Variants in IFT57 observed in about 807,000 individuals in gnomAD.
IFT57 encodes the protein intraflagellar transport 57.
In IFT57, 59 loss-of-function variants were observed where a neutral mutation model predicts 56.8. The ratio of observed to expected loss-of-function variants is 1.04; its 90% CI spans 0.84 to 1.29. The LOEUF (loss-of-function observed/expected upper bound fraction) is 1.29. IFT57 is among the 50% of genes most tolerant of loss of function. The probability of loss-of-function intolerance (pLI) is 0.00; values close to 1 mark genes in which losing one functional copy is unlikely to be tolerated. For missense variants in IFT57, 470 were observed against 522.1 expected, an observed-to-expected ratio of 0.90 and a Z score of 0.97; for synonymous variants, 209 against 186.1, an observed-to-expected ratio of 1.12 and a Z score of -1.00.
At chr3:108,187,949 T>A (rs1025296581) in intron 6 of IFT57, among the ~76,000 whole-genome samples, 2 of 151,918 alleles carry the variant, frequency 1.3e-5, no homozygotes, top group African/African-American at 2.4e-5. Flanking sequence ...TTTGTTTTTT[T>A]TTTTTATACT....
intron 4 of IFT57, among the ~76,000 whole-genome samples, chr3:108,211,087 G>A (rs1348763157): frequency 6.6e-6 from 1 of 152,170 alleles, no homozygotes; most frequent in Non-Finnish European, 1.5e-5. Flanking sequence ...TATGCACCAG[G>A]CCCTGCACAA....
intron 6 of IFT57, among the ~76,000 whole-genome samples, chr3:108,173,339 C>T (rs1226241156): frequency 6.6e-6 from 1 of 151,672 alleles, no homozygotes; most frequent in Non-Finnish European, 1.5e-5. Flanking sequence ...GAGGAGCACA[C>T]AGCTAACTTC....
chr3:108,168,909 A>G (rs9826261), intron 6 of IFT57, among the ~76,000 whole-genome samples: 14,639 of 151,950 alleles, frequency 0.096, 766 homozygotes, highest in Middle Eastern at 0.12. Context: ...GGGGATTTGG[A>G]TTGGTTCCAA....
intron 6 of IFT57, among the ~76,000 whole-genome samples, chr3:108,178,052 A>C (rs890380626): frequency 1.3e-5 from 2 of 151,876 alleles, no homozygotes; most frequent in Non-Finnish European, 2.9e-5. Flanking sequence ...ATAAACATAA[A>C]ATATATTTAA....
intron 6 of IFT57, among the ~76,000 whole-genome samples, chr3:108,171,828 T>A (rs2080094072): frequency 6.6e-6 from 1 of 151,800 alleles, no homozygotes. Context: ...CCTGCCTGGT[T>A]CCAAAAAGAA....
rs143665053 is a variant in IFT57 at position 108,217,725 on chromosome 3, A to AT, written c.494+809dup. Among the ~76,000 whole-genome samples the AT allele has an allele frequency of 6.6e-3, 978 of 147,650 alleles. 10 individuals are homozygous for AT. Among genetic ancestry groups the AT allele is most frequent in the African/African-American group, 0.022 (875 of 40,524 alleles). ...AATCTTTCTACCGAAGTTAGTTCTA[A>AT]TTAAAAAAAAAAAAACACTGCTTAC... On this transcript the variant is annotated intron_variant, in intron 3 of 10. Coordinates refer to ENST00000264538, the MANE Select transcript of IFT57 (RefSeq NM_018010.4).
chr3:108,220,222 T>C (rs909811375), intron 1 of IFT57, among the ~76,000 whole-genome samples: 1 of 152,242 alleles, frequency 6.6e-6, no homozygotes, highest in African/African-American at 2.4e-5. Flanking sequence ...CAGTCAAACA[T>C]CTGTGGGCTC....
In IFT57 at chr3:108,162,392, A is replaced by C. The variant is rs774201233; in HGVS notation, c.*85T>G. 9 of 1,147,576 alleles carry C rather than the reference A, an allele frequency of 7.8e-6. No individual in the cohort carries two copies. Among genetic ancestry groups the C allele is most frequent in the Admixed American group, 2.4e-5 (1 of 41,466 alleles). 71.1% of individuals were successfully genotyped at this position (1,147,576 alleles called of 1,614,324 possible). A position where few individuals can be genotyped will look rare whatever the true frequency, so the allele number is the denominator to read the frequency against. On this transcript the variant is annotated 3_prime_UTR_variant, in exon 11 of 11. Transcript: ENST00000264538. Reference sequence around the variant, plus strand: ...TGTAAAAAAATACCCATTGAACATAAAATTATGTTTTGAAATCTATGCAAC... The same window carrying C: ...TGTAAAAAAATACCCATTGAACATACAATTATGTTTTGAAATCTATGCAAC...
intron 6 of IFT57, among the ~76,000 whole-genome samples, chr3:108,178,137 T>C (rs11919185): frequency 0.096 from 14,632 of 151,834 alleles, 765 homozygotes; most frequent in Middle Eastern, 0.12. Flanking sequence ...AGATACAGAC[T>C]CACACATACA....
chr3:108,205,007 A>G (rs1438745306), intron 5 of IFT57, among the ~76,000 whole-genome samples: 2 of 152,186 alleles, frequency 1.3e-5, no homozygotes, highest in Non-Finnish European at 2.9e-5. Flanking sequence ...TTTAAATTTT[A>G]ACATATTATT....
chr3:108,187,819 A>G (rs896314768), intron 6 of IFT57, among the ~76,000 whole-genome samples: 3 of 152,014 alleles, frequency 2.0e-5, no homozygotes, highest in Non-Finnish European at 4.4e-5. Flanking sequence ...CACTGACCCC[A>G]AAATAATACA....
At position 108,211,724 on chromosome 3, in the gene IFT57, C is replaced by CT. The variant is rs969249635; in HGVS notation, c.585+2206dup. Reference sequence around the variant, plus strand: ...TTTTCCTTCTGTAAATGACAGTCATCTTTTTTTACATATATTAAATAATGT... The same window carrying CT: ...TTTTCCTTCTGTAAATGACAGTCATCTTTTTTTTACATATATTAAATAATGT... On this transcript the variant is annotated intron_variant, in intron 4 of 10. Coordinates refer to ENST00000264538, the MANE Select transcript of IFT57 (RefSeq NM_018010.4). Among the ~76,000 whole-genome samples the CT allele has an allele frequency of 4.5e-3, 682 of 152,256 alleles. 3 individuals carry two copies. The highest frequency in any genetic ancestry group is 0.016 in the African/African-American group (655 of 41,546).
At chr3:108,206,301 T>C (rs1314736416) in intron 5 of IFT57, among the ~76,000 whole-genome samples, 1 of 151,358 alleles carries the variant, frequency 6.6e-6, no homozygotes, top group Non-Finnish European at 1.5e-5. Flanking sequence ...CATTAAATCT[T>C]GGCCTATTAA....
chr3:108,166,644 T>C (rs1298612141), intron 8 of IFT57, among the ~76,000 whole-genome samples: 1 of 152,066 alleles, frequency 6.6e-6, no homozygotes, highest in African/African-American at 2.4e-5. Flanking sequence ...AAGACGTGCA[T>C]TTAAAGACTT....
At chr3:108,168,859 G>A (rs930883467) in intron 6 of IFT57, among the ~76,000 whole-genome samples, 1 of 152,024 alleles carries the variant, frequency 6.6e-6, no homozygotes, top group Admixed American at 6.6e-5. Flanking sequence ...ATTCCACAGT[G>A]TATATGTGCC....
intron 4 of IFT57, among the ~76,000 whole-genome samples, chr3:108,211,894 T>C (rs1442908565): frequency 6.6e-6 from 1 of 152,246 alleles, no homozygotes; most frequent in African/African-American, 2.4e-5. Flanking sequence ...TATATCAACA[T>C]AAAATTTGGA....
At position 108,219,195 on chromosome 3, in the gene IFT57, A is replaced by T. The variant is rs181689805; in HGVS notation, c.375+215T>A. On this transcript the variant is annotated intron_variant, in intron 2 of 10. Coordinates refer to ENST00000264538, the MANE Select transcript of IFT57 (RefSeq NM_018010.4). Reference sequence around the variant, plus strand: ...CTCTCAGATATATCAAGATTTTTTTAAAAAAATATTACTTTGGACTAATAA... The same window carrying T: ...CTCTCAGATATATCAAGATTTTTTTTAAAAAATATTACTTTGGACTAATAA... 5.6e-3 allele frequency among the ~76,000 whole-genome samples: 858 copies of T among 152,152 alleles called. 5 individuals are homozygous for T. Among genetic ancestry groups the T allele is most frequent in the African/African-American group, 0.019 (802 of 41,526 alleles).
chr3:108,165,507 C>A lies in IFT57; in HGVS notation c.982-14G>T. ...TCGCTCCTTTGCCTGAGAGGAAAAA[C>A]ATTTTGTTTAATGGCAAATTCAAAG... On this transcript the variant is annotated splice_polypyrimidine_tract_variant and intron_variant, in intron 8 of 10. Coordinates refer to ENST00000264538, the MANE Select transcript of IFT57 (RefSeq NM_018010.4). 3 of 1,610,200 alleles carry A rather than the reference C, an allele frequency of 1.9e-6. No individual in the cohort carries two copies. The highest frequency in any genetic ancestry group is 2.5e-6 in the Non-Finnish European group (3 of 1,176,954).
At chr3:108,167,010 A>T in intron 7 of IFT57, 25 bp from the exon 8 acceptor site, 1 of 1,592,238 alleles carries the variant, frequency 6.3e-7, no homozygotes, top group Non-Finnish European at 8.6e-7. Context: ...GAATTTGCAG[A>T]TAGAAGAACT....
Sources: allele counts gnomAD v4.1 joint callset (sites outside exome capture counted in the v4.1 genomes callset), GRCh38; gene constraint gnomAD v4.1.1; transcripts MANE v1.5; gene names NCBI Gene and HGNC (gene_info 2026-07-23, HGNC 2026-07-21).